KANSL1L: variants seen among roughly 807,000 people sequenced by gnomAD.
KANSL1L encodes KAT8 regulatory NSL complex subunit 1-like protein.
KANSL1L carries 25 observed loss-of-function variants against 108.6 expected under a neutral mutation model. The observed-to-expected ratio is 0.23, with a 90% CI of 0.17 to 0.32. The LOEUF is 0.32. Ranked by LOEUF, KANSL1L falls within the 10% of genes least tolerant of loss-of-function variation. The probability of loss-of-function intolerance (pLI) is 1.00; values close to 1 mark genes in which losing one functional copy is unlikely to be tolerated. For synonymous variants in KANSL1L, 405 were observed against 395.1 expected, an observed-to-expected ratio of 1.03 and a Z score of -0.30; for missense variants, 1,137 against 1,125.7, an observed-to-expected ratio of 1.01 and a Z score of -0.14.
intron 5 of KANSL1L, among the ~76,000 whole-genome samples, chr2:210,085,143 T>C (rs1575500061): frequency 6.6e-6 from 1 of 152,176 alleles, no homozygotes; most frequent in African/African-American, 2.4e-5. Flanking sequence ...AAGTGGTAGG[T>C]ATGTTAAAAG....
intron 5 of KANSL1L, among the ~76,000 whole-genome samples, chr2:210,095,322 C>T (rs2125398440): frequency 6.6e-6 from 1 of 152,014 alleles, no homozygotes; most frequent in African/African-American, 2.4e-5. Flanking sequence ...ATCTTGACCC[C>T]CTCTCTCTAC....
At chr2:210,100,219 T>C (rs1394339262) in intron 4 of KANSL1L, among the ~76,000 whole-genome samples, 1 of 152,098 alleles carries the variant, frequency 6.6e-6, no homozygotes, top group African/African-American at 2.4e-5. Flanking sequence ...CTGCTCCTTA[T>C]AAGACTCTAA....
At chr2:210,062,909 T>C (rs997805651) in intron 6 of KANSL1L, among the ~76,000 whole-genome samples, 5 of 152,168 alleles carry the variant, frequency 3.3e-5, no homozygotes, top group Admixed American at 6.5e-5. Flanking sequence ...CTGCAGAAAG[T>C]TGCATAAGTA....
intron 6 of KANSL1L, among the ~76,000 whole-genome samples, chr2:210,062,271 G>A (rs189410166): frequency 3.3e-5 from 5 of 152,322 alleles, no homozygotes; most frequent in South Asian, 2.1e-4. Flanking sequence ...CATGTGAGAC[G>A]CACCTTTCAC....
rs115259203 is a variant in KANSL1L, at chr2:210,115,191, G to A, written c.1231-10890C>T. The stretch of plus-strand genomic sequence containing the variant: ...ATCCAACTCTATACTGTCTACAAGA[G>A]ATTCAACTTAAGTCCAACGACACAA... On this transcript the variant is annotated intron_variant, in intron 3 of 14. Coordinates refer to ENST00000281772, the MANE Select transcript of KANSL1L (RefSeq NM_152519.4). Among the ~76,000 whole-genome samples, 632 of 152,116 alleles carry A rather than the reference G, an allele frequency of 4.2e-3. 7 individuals are homozygous for A. The highest frequency in any genetic ancestry group is 0.015 in the African/African-American group (610 of 41,502).
chr2:210,142,318 T>C (rs913635563), intron 2 of KANSL1L, among the ~76,000 whole-genome samples: 3 of 152,112 alleles, frequency 2.0e-5, no homozygotes, highest in Non-Finnish European at 4.4e-5. Context: ...TTATGATCCA[T>C]TATATTTCTG....
At chr2:210,063,098 C>T (rs973432330) in intron 6 of KANSL1L, among the ~76,000 whole-genome samples, 2 of 152,192 alleles carry the variant, frequency 1.3e-5, no homozygotes, top group Non-Finnish European at 1.5e-5. Flanking sequence ...TGCCCTGTGT[C>T]CCAGCTGCTC....
chr2:210,135,115 T>A (rs1389710441), intron 2 of KANSL1L, among the ~76,000 whole-genome samples: 1 of 152,134 alleles, frequency 6.6e-6, no homozygotes, highest in Non-Finnish European at 1.5e-5. Flanking sequence ...CCCATTCTTT[T>A]TTTTCCCATT....
rs1251051548 is a variant in KANSL1L at position 210,023,223 on chromosome 2, T to C, written c.2734-44A>G. The stretch of plus-strand genomic sequence containing the variant: ...TCAGTTAAGTTTCAACTAACTTGTT[T>C]TGTTTAAATTCATCTAACAAGTAAT... On this transcript the variant is annotated intron_variant, in intron 14 of 14. Coordinates refer to ENST00000281772, the MANE Select transcript of KANSL1L (RefSeq NM_152519.4). 3 of 1,384,238 alleles carry C rather than the reference T, an allele frequency of 2.2e-6. No individual in the cohort carries two copies. The East Asian group carries it at 6.9e-5, about 32-fold the overall frequency. 85.7% of individuals were successfully genotyped at this position (1,384,238 alleles called of 1,614,324 possible). A position where few individuals can be genotyped will look rare whatever the true frequency, so the allele number is the denominator to read the frequency against.
intron 6 of KANSL1L, among the ~76,000 whole-genome samples, chr2:210,061,436 C>T (rs1293243283): frequency 6.6e-6 from 1 of 152,102 alleles, no homozygotes; most frequent in African/African-American, 2.4e-5. Context: ...TAAAGACTAT[C>T]AAGAAGGAGC....
At chr2:210,116,556 T>C (rs2094956069) in intron 3 of KANSL1L, among the ~76,000 whole-genome samples, 1 of 152,062 alleles carries the variant, frequency 6.6e-6, no homozygotes, top group Non-Finnish European at 1.5e-5. Flanking sequence ...TGAGACTGTG[T>C]TTCCCTGGGG....
intron 6 of KANSL1L, among the ~76,000 whole-genome samples, chr2:210,049,402 T>C (rs1341955594): frequency 6.6e-6 from 1 of 151,950 alleles, no homozygotes; most frequent in Non-Finnish European, 1.5e-5. Context: ...TTTTACATTC[T>C]ATTTTGTGGT....
At chr2:210,049,085 T>C (rs1575417368) in intron 6 of KANSL1L, among the ~76,000 whole-genome samples, 2 of 152,170 alleles carry the variant, frequency 1.3e-5, no homozygotes, top group South Asian at 2.1e-4. Context: ...ACAAAGTCTA[T>C]AGCCGGCCAT....
At chr2:210,033,808 G>T (rs1028566596) in intron 8 of KANSL1L, among the ~76,000 whole-genome samples, 1 of 152,010 alleles carries the variant, frequency 6.6e-6, no homozygotes, top group East Asian at 1.9e-4. Context: ...AAAGTGCTGG[G>T]ATTACAGGCG....
chr2:210,104,100 T>A lies in KANSL1L; in HGVS notation c.1428+4A>T, dbSNP rs2094822926. 1 of 1,609,074 alleles carries A rather than the reference T, an allele frequency of 6.2e-7. No homozygotes were observed. Among genetic ancestry groups the A allele is most frequent in the African/African-American group, 1.3e-5 (1 of 74,818 alleles). The stretch of plus-strand genomic sequence containing the variant: ...TACCACTGATATCCTTACTTTGACT[T>A]TACCTGTTTTTCGATGTTTCGAAGA... On this transcript the variant is annotated splice_donor_region_variant and intron_variant, in intron 4 of 14. Coordinates refer to ENST00000281772, the MANE Select transcript of KANSL1L (RefSeq NM_152519.4).
chr2:210,169,973 T>G (rs893146720), intron 1 of KANSL1L, among the ~76,000 whole-genome samples: 3 of 152,226 alleles, frequency 2.0e-5, no homozygotes, highest in South Asian at 2.1e-4. Flanking sequence ...AGAGACCATA[T>G]TATGAAACTT....
At chr2:210,030,575 C>T (rs1167610631) in intron 9 of KANSL1L, among the ~76,000 whole-genome samples, 1 of 139,770 alleles carries the variant, frequency 7.2e-6, no homozygotes, top group African/African-American at 2.6e-5. Context: ...TATATGTATG[C>T]GTTTACTTAC....
At chr2:210,147,179 G>C (rs1211296054) in intron 2 of KANSL1L, among the ~76,000 whole-genome samples, 1 of 152,146 alleles carries the variant, frequency 6.6e-6, no homozygotes, top group Non-Finnish European at 1.5e-5. Flanking sequence ...AATATTTCTT[G>C]CTTGGGCATG....
At chr2:210,131,105 T>G (rs2095115986) in intron 2 of KANSL1L, among the ~76,000 whole-genome samples, 1 of 152,160 alleles carries the variant, frequency 6.6e-6, no homozygotes, top group African/African-American at 2.4e-5. Context: ...CTGAGGATCT[T>G]CAAAACCAGT....
Sources: gnomAD v4.1 joint callset for allele counts (sites outside exome capture counted in the v4.1 genomes callset) on GRCh38, gnomAD v4.1.1 for gene constraint, MANE v1.5 for transcripts, NCBI Gene and HGNC (gene_info 2026-07-23, HGNC 2026-07-21) for gene names.